The following IPO11 variants were observed in gnomAD, a reference collection of about 807,000 sequenced individuals.
IPO11 encodes importin-11.
IPO11 carries 66 observed loss-of-function variants against 143.2 expected under a neutral mutation model. The ratio of observed to expected loss-of-function variants is 0.46; its 90% CI spans 0.38 to 0.57. The LOEUF is 0.57. Ranked by LOEUF, IPO11 falls within the 20% of genes least tolerant of loss-of-function variation. The pLI, the probability that IPO11 is intolerant of heterozygous loss-of-function variation, is 0.00. For missense variants in IPO11, 1,026 were observed against 1,141.0 expected (o/e 0.90, Z 1.45); for synonymous variants, 385 against 377.8 (o/e 1.02, Z -0.22).
intron 3 of IPO11, among the ~76,000 whole-genome samples, chr5:62,449,503 T>A (rs2112157712): frequency 6.6e-6 from 1 of 152,130 alleles, no homozygotes; most frequent in Non-Finnish European, 1.5e-5. Context: ...TGTATAGATT[T>A]TTTTTTAGCT....
At chr5:62,518,313 A>G (rs1261536591) in intron 20 of IPO11, among the ~76,000 whole-genome samples, 4 of 152,020 alleles carry the variant, frequency 2.6e-5, no homozygotes, top group African/African-American at 9.7e-5. Flanking sequence ...GTGAGGTGGC[A>G]CATGCCTGTA....
chr5:62,522,720 GT>G (rs1742244283), intron 20 of IPO11, among the ~76,000 whole-genome samples: 2 of 152,150 alleles, frequency 1.3e-5, no homozygotes, highest in South Asian at 4.1e-4. Flanking sequence ...TAATCTTCCT[GT>G]TTTATGTCAT....
chr5:62,567,558 C>CTTTTTT (rs34740276), intron 27 of IPO11, among the ~76,000 whole-genome samples: 2 of 70,188 alleles, frequency 2.8e-5, no homozygotes, highest in Non-Finnish European at 4.8e-5. Flanking sequence ...CTTACATTTC[C>CTTTTTT]TTTTTTTTTT....
chr5:62,441,822 A>G (rs915186310), intron 2 of IPO11, among the ~76,000 whole-genome samples: 4 of 149,066 alleles, frequency 2.7e-5, no homozygotes, highest in Admixed American at 2.0e-4. Context: ...CGGCCGCTTT[A>G]TATCTCTTAA....
chr5:62,580,423 A>T, intron 27 of IPO11: 2 of 1,551,384 alleles, frequency 1.3e-6, no homozygotes, highest in South Asian at 2.4e-5. Flanking sequence ...ATCTTTGAAG[A>T]TCCTTAATCT....
intron 21 of IPO11, among the ~76,000 whole-genome samples, chr5:62,527,425 A>G (rs1329371823): frequency 6.6e-6 from 1 of 152,246 alleles, no homozygotes; most frequent in Non-Finnish European, 1.5e-5. Context: ...AACATCATTT[A>G]TAGAAATAAG....
chr5:62,421,967 A>G (rs747491616), intron 1 of IPO11, among the ~76,000 whole-genome samples: 8 of 152,228 alleles, frequency 5.3e-5, no homozygotes, highest in Non-Finnish European at 1.2e-4. Context: ...GAGAGGACTG[A>G]TGATCTCTTA....
At chr5:62,567,992 G>T (rs925668666) in intron 27 of IPO11, among the ~76,000 whole-genome samples, 2 of 150,260 alleles carry the variant, frequency 1.3e-5, no homozygotes, top group Non-Finnish European at 3.0e-5. Context: ...TTGAGACAGG[G>T]TCTTGCTGTG....
intron 22 of IPO11, 63 bp downstream of exon 22, chr5:62,530,848 A>G: frequency 7.9e-7 from 1 of 1,265,894 alleles, no homozygotes; most frequent in Admixed American, 1.7e-5. Context: ...GAGGCATTGA[A>G]ACATAATTTG....
chr5:62,467,192 T>G lies in IPO11; in HGVS notation c.578T>G (p.Leu193Arg). 6.2e-7 allele frequency: 1 copy of G among 1,614,048 alleles called. No individual in the cohort carries two copies. The highest frequency in any genetic ancestry group is 8.5e-7 in the Non-Finnish European group (1 of 1,179,946). Residue 193 changes from leucine to arginine, a missense_variant, in exon 6 of 30, where the codon CTG (leucine) becomes CGG (arginine). Physicochemically the swap from Leu to Arg is moderately radical, Grantham distance 102 (BLOSUM62 -2). This residue lies in a region of IPO11 where 429 missense variants were observed against 456.3 expected (regional missense o/e 0.94). Transcript: ENST00000325324. Reference protein sequence around the residue: ...SLWNHHTDTFLQEVSSGNEAA... With the variant: ...SLWNHHTDTFRQEVSSGNEAA... ...TGGAATCACCACACAGACACATTCC[T>G]GCAAGAAGTTTCTTCTGGCAATGAA...
At chr5:62,515,113 G>A (rs1250193644) in intron 19 of IPO11, among the ~76,000 whole-genome samples, 1 of 152,082 alleles carries the variant, frequency 6.6e-6, no homozygotes. Flanking sequence ...AGCATTTTCT[G>A]TTAACCTCTA....
At chr5:62,415,531 C>T (rs917179331) in intron 1 of IPO11, among the ~76,000 whole-genome samples, 19 of 136,980 alleles carry the variant, frequency 1.4e-4, no homozygotes, top group South Asian at 2.4e-4. Flanking sequence ...TGCAGTGGCG[C>T]GATCTCAATT....
At chr5:62,413,444 G>A (rs953906423) in intron 1 of IPO11, 3 of 152,128 alleles carry the variant, frequency 2.0e-5, no homozygotes, top group South Asian at 2.1e-4. Context: ...TCATGGAGAG[G>A]TATGGCCGCC....
intron 7 of IPO11, among the ~76,000 whole-genome samples, chr5:62,472,364 A>T (rs1333776100): frequency 1.3e-5 from 2 of 152,124 alleles, no homozygotes; most frequent in Non-Finnish European, 2.9e-5. Flanking sequence ...GCTGTCATCG[A>T]TATTTTGTGA....
intron 27 of IPO11, chr5:62,581,326 A>G (rs746823084): frequency 4.8e-6 from 7 of 1,473,528 alleles, no homozygotes; most frequent in Admixed American, 2.9e-5. Context: ...AATATTGTCT[A>G]TAAGAAACTT....
rs746779763 is a variant in IPO11, at chr5:62,470,223, C to G, written c.650-27C>G. ...AATTTTAGTAGGATAAAATAAGATT[C>G]AAGTAAAGCTTGCTTTTGCTTTTCA... On this transcript the variant is annotated intron_variant, in intron 6 of 29. Transcript: ENST00000325324. 3.7e-6 allele frequency: 6 copies of G among 1,601,880 alleles called. No homozygotes were observed. In the South Asian group the frequency reaches 4.4e-5, roughly 12 times the overall value.
At chr5:62,598,386 TGCTTG>T (rs1561380367) in intron 28 of IPO11, among the ~76,000 whole-genome samples, 960 of 9,102 alleles carry the variant, frequency 0.11, 206 homozygotes, top group African/African-American at 0.28. Flanking sequence ...TTTGCTTGCT[TGCTTG>T]CTTTCTTTCT....
At chr5:62,456,296 C>G (rs1745152368) in intron 5 of IPO11, among the ~76,000 whole-genome samples, 1 of 152,128 alleles carries the variant, frequency 6.6e-6, no homozygotes, top group African/African-American at 2.4e-5. Flanking sequence ...AGCCACCATG[C>G]TCGGCCAGGA....
At chr5:62,475,799 G>C (rs1408317384) in intron 8 of IPO11, among the ~76,000 whole-genome samples, 4 of 152,228 alleles carry the variant, frequency 2.6e-5, no homozygotes, top group Non-Finnish European at 5.9e-5. Flanking sequence ...CCATGTGAGA[G>C]ACTATAGCAT....
Sources: allele counts gnomAD v4.1 joint callset (sites outside exome capture counted in the v4.1 genomes callset), GRCh38; gene constraint gnomAD v4.1.1; regional missense constraint gnomAD v4.1.1; transcripts MANE v1.5; gene names NCBI Gene and HGNC (gene_info 2026-07-23, HGNC 2026-07-21).